Variants in AMBRA1 observed in about 807,000 individuals in gnomAD.
The protein encoded by AMBRA1 is activating molecule in BECN1-regulated autophagy protein 1.
A neutral mutation model predicts 125.4 loss-of-function variants in AMBRA1; 47 were observed. That is an observed-to-expected ratio of 0.37 (90% CI 0.30 to 0.48). The LOEUF (loss-of-function observed/expected upper bound fraction) is 0.48. AMBRA1 is among the 20% of genes least tolerant of loss of function. The pLI is 0.99. For synonymous variants in AMBRA1, 626 were observed against 655.5 expected (o/e 0.95, Z 0.69); for missense variants, 1,331 against 1,693.4 (o/e 0.79, Z 3.76).
intron 9 of AMBRA1, among the ~76,000 whole-genome samples, chr11:46,499,724 T>A (rs963321697): frequency 6.6e-6 from 1 of 152,074 alleles, no homozygotes; most frequent in African/African-American, 2.4e-5. Context: ...TGGTGCAATC[T>A]CAGTTCACTG....
intron 7 of AMBRA1, among the ~76,000 whole-genome samples, chr11:46,522,661 C>T (rs572868425): frequency 6.6e-6 from 1 of 152,256 alleles, no homozygotes; most frequent in South Asian, 2.1e-4. Flanking sequence ...TATTGAATTC[C>T]ATAATGTTGA....
intron 14 of AMBRA1, among the ~76,000 whole-genome samples, chr11:46,419,104 C>T (rs1475359650): frequency 1.6e-4 from 24 of 152,158 alleles, no homozygotes. Flanking sequence ...ATGGAGGGAG[C>T]GGAGCAGAGG....
At chr11:46,535,664 G>A (rs186851778) in intron 7 of AMBRA1, among the ~76,000 whole-genome samples, 2 of 152,246 alleles carry the variant, frequency 1.3e-5, no homozygotes, top group East Asian at 3.8e-4. Context: ...CTGACTGGCA[G>A]AGATAATAAT....
chr11:46,422,912 A>T (rs1946919071), intron 14 of AMBRA1, among the ~76,000 whole-genome samples: 1 of 152,224 alleles, frequency 6.6e-6, no homozygotes, highest in Non-Finnish European at 1.5e-5. Context: ...GACAACTGGA[A>T]ACTGAGGCTA....
At chr11:46,443,012 G>A (rs561221669) in intron 12 of AMBRA1, among the ~76,000 whole-genome samples, 31 of 152,160 alleles carry the variant, frequency 2.0e-4, no homozygotes, top group Non-Finnish European at 3.7e-4. Context: ...GTGAGCCACC[G>A]CACCCAGCCT....
At chr11:46,506,765 A>G (rs868682663) in intron 9 of AMBRA1, among the ~76,000 whole-genome samples, 4 of 152,208 alleles carry the variant, frequency 2.6e-5, no homozygotes, top group Non-Finnish European at 5.9e-5. Flanking sequence ...CAAATGTTCA[A>G]TTTGATACAG....
intron 7 of AMBRA1, among the ~76,000 whole-genome samples, chr11:46,529,752 A>G (rs544629522): frequency 6.6e-6 from 1 of 152,312 alleles, no homozygotes; most frequent in South Asian, 2.1e-4. Context: ...ATGGAAAAAA[A>G]ACATCCAAAT....
chr11:46,470,295 A>C (rs1949528740), intron 11 of AMBRA1, among the ~76,000 whole-genome samples: 1 of 152,080 alleles, frequency 6.6e-6, no homozygotes, highest in African/African-American at 2.4e-5. Flanking sequence ...TTTTTAAAAA[A>C]TCAGCCAGGT....
chr11:46,492,967 T>C (rs533010260), intron 11 of AMBRA1, among the ~76,000 whole-genome samples: 12 of 152,342 alleles, frequency 7.9e-5, no homozygotes, highest in Non-Finnish European at 4.4e-5. Flanking sequence ...GAGAATTGCT[T>C]GAACCCGGGA....
At chr11:46,453,991 C>A (rs1948735352) in intron 11 of AMBRA1, among the ~76,000 whole-genome samples, 1 of 152,094 alleles carries the variant, frequency 6.6e-6, no homozygotes, top group East Asian at 1.9e-4. Context: ...GTCCAATAAA[C>A]TCCTAAAGGC....
In AMBRA1 at chr11:46,397,508, T is replaced by C. The variant is rs758301631; in HGVS notation, c.3839A>G (p.Asp1280Gly). The C allele has an allele frequency of 6.5e-7, 1 of 1,533,802 alleles. No individual in the cohort carries two copies. The highest frequency in any genetic ancestry group is 8.8e-7 in the Non-Finnish European group (1 of 1,138,160). ...CELTNNNHLL[D>G]GGSSRGDAAG... ...AGCGTCCCCCCTGCTGCTGCCACCA[T>C]CCAGAAGGTGGTTGTTATTGGTCAA... The change falls in exon 18 of 18, where the codon GAT (aspartate) becomes GGT (glycine). Residue 1280 changes from aspartate to glycine, a missense_variant. Transcript: ENST00000683756.
intron 11 of AMBRA1, among the ~76,000 whole-genome samples, chr11:46,461,534 A>G (rs1257421932): frequency 6.6e-6 from 1 of 152,110 alleles, no homozygotes; most frequent in Non-Finnish European, 1.5e-5. Flanking sequence ...TGACCAACAT[A>G]GTATGGGGGA....
chr11:46,443,207 T>C (rs1948105773), intron 12 of AMBRA1, among the ~76,000 whole-genome samples: 1 of 152,074 alleles, frequency 6.6e-6, no homozygotes, highest in Admixed American at 6.6e-5. Flanking sequence ...GAGAAGGGAG[T>C]GTAGGATCCA....
At chr11:46,399,531 T>C (rs1945619632) in intron 17 of AMBRA1, among the ~76,000 whole-genome samples, 1 of 151,688 alleles carries the variant, frequency 6.6e-6, no homozygotes, top group Non-Finnish European at 1.5e-5. Context: ...ACCTGGCTAA[T>C]TTTTTGTATT....
chr11:46,431,128 G>C (rs961138164), intron 14 of AMBRA1, among the ~76,000 whole-genome samples: 1 of 152,210 alleles, frequency 6.6e-6, no homozygotes, highest in African/African-American at 2.4e-5. Flanking sequence ...GGGGTTTAAA[G>C]TCAGACTGGG....
At chr11:46,471,827 C>T (rs1949607535) in intron 11 of AMBRA1, among the ~76,000 whole-genome samples, 1 of 151,906 alleles carries the variant, frequency 6.6e-6, no homozygotes, top group Non-Finnish European at 1.5e-5. Flanking sequence ...GGGGTTTCAT[C>T]ATGTTGGCCA....
At chr11:46,521,113 A>C (rs894689125) in intron 7 of AMBRA1, among the ~76,000 whole-genome samples, 1 of 152,262 alleles carries the variant, frequency 6.6e-6, no homozygotes, top group South Asian at 2.1e-4. Context: ...ATAAGCAAGA[A>C]GACCTATCTG....
intron 11 of AMBRA1, among the ~76,000 whole-genome samples, chr11:46,469,457 T>C (rs899564473): frequency 6.6e-6 from 1 of 152,114 alleles, no homozygotes; most frequent in Non-Finnish European, 1.5e-5. Context: ...AAAGGTATGG[T>C]TCCTAACTTG....
At chr11:46,532,478 C>A (rs924259766) in intron 7 of AMBRA1, among the ~76,000 whole-genome samples, 1 of 152,168 alleles carries the variant, frequency 6.6e-6, no homozygotes, top group Non-Finnish European at 1.5e-5. Flanking sequence ...TCTCTTTTGC[C>A]GAGGCTGGAG....
Sources: allele counts gnomAD v4.1 joint callset (sites outside exome capture counted in the v4.1 genomes callset), GRCh38; gene constraint gnomAD v4.1.1; transcripts MANE v1.5; gene names NCBI Gene and HGNC (gene_info 2026-07-23, HGNC 2026-07-21).